The following ST8SIA6 variants were observed in gnomAD, a reference collection of about 807,000 sequenced individuals.
ST8SIA6 encodes alpha-2,8-sialyltransferase 8F.
A neutral mutation model predicts 33.6 loss-of-function variants in ST8SIA6; 39 were observed. The observed-to-expected ratio is 1.16, with a 90% CI of 0.90 to 1.52. The LOEUF (loss-of-function observed/expected upper bound fraction) is 1.52. ST8SIA6 is among the 40% of genes most tolerant of loss of function. ST8SIA6 has a pLI of 0.00. For synonymous variants in ST8SIA6, 172 were observed against 167.2 expected, an observed-to-expected ratio of 1.03 and a Z score of -0.22; for missense variants, 441 against 443.8, an observed-to-expected ratio of 0.99 and a Z score of 0.06.
At chr10:17,334,825 C>T (rs1439285265) in intron 4 of ST8SIA6, among the ~76,000 whole-genome samples, 1 of 152,086 alleles carries the variant, frequency 6.6e-6, no homozygotes, top group Non-Finnish European at 1.5e-5. Flanking sequence ...CAAGGATCAT[C>T]TGAGTTAACC....
intron 3 of ST8SIA6, among the ~76,000 whole-genome samples, chr10:17,371,474 G>A (rs1849729897): frequency 6.6e-6 from 1 of 152,006 alleles, no homozygotes; most frequent in South Asian, 2.1e-4. Context: ...GGAGACGTGA[G>A]AAGGAATCTA....
At chr10:17,426,858 T>C (rs1851954143) in intron 2 of ST8SIA6, among the ~76,000 whole-genome samples, 1 of 152,110 alleles carries the variant, frequency 6.6e-6, no homozygotes, top group Non-Finnish European at 1.5e-5. Flanking sequence ...TCCCAGCACT[T>C]TGGGAGGCAG....
Position 17,453,643 on chromosome 10 carries a change from T to C in ST8SIA6, c.116A>G (p.Glu39Gly). 1 of 1,322,418 alleles carries C rather than the reference T, an allele frequency of 7.6e-7. No homozygotes were observed. Among genetic ancestry groups the C allele is most frequent in the Non-Finnish European group, 9.7e-7 (1 of 1,028,436 alleles). The allele number at this position is 1,322,418 out of a possible 1,614,324, so 81.9% of individuals were successfully genotyped here. ...APGRARILVE[E>G]SREATHGTPA... ...GGTGCCGTGGGTGGCCTCCCTGCTT[T>C]CCTCCACCAGAATCCTGCACAGCCG... The change falls in exon 2 of 8, where the codon GAA becomes GGA. Residue 39 changes from glutamate to glycine, a missense_variant. Physicochemically the swap from Glu to Gly is moderately conservative, Grantham distance 98. Transcript: ENST00000377602.
chr10:17,316,065 GAA>G lies in ST8SIA6; in HGVS notation c.*4811_*4812del, dbSNP rs1260098552. ...TCTATATTTATTTATGTAGTAGTAAGAATATCATATGTGAGTATAAGAATATA... is the reference window on the plus strand; with the variant it reads ...TCTATATTTATTTATGTAGTAGTAAGTATCATATGTGAGTATAAGAATATA... On this transcript the variant is annotated 3_prime_UTR_variant, in exon 8 of 8. Transcript: ENST00000377602. Among the ~76,000 whole-genome samples the G allele has an allele frequency of 1.3e-5, 2 of 152,050 alleles. No homozygotes were observed. The highest frequency in any genetic ancestry group is 2.9e-5 in the Non-Finnish European group (2 of 67,880).
chr10:17,411,457 A>G (rs1394457938), intron 2 of ST8SIA6, among the ~76,000 whole-genome samples: 2 of 152,168 alleles, frequency 1.3e-5, no homozygotes, highest in Non-Finnish European at 2.9e-5. Context: ...TGCTGGGATT[A>G]CAGGCATGAG....
chr10:17,412,305 C>T (rs1851478738), intron 2 of ST8SIA6, among the ~76,000 whole-genome samples: 1 of 152,178 alleles, frequency 6.6e-6, no homozygotes, highest in South Asian at 2.1e-4. Context: ...ATCCCATTGA[C>T]TAACCCAACT....
At chr10:17,418,122 G>A (rs905212622) in intron 2 of ST8SIA6, among the ~76,000 whole-genome samples, 2 of 152,180 alleles carry the variant, frequency 1.3e-5, no homozygotes, top group Non-Finnish European at 2.9e-5. Flanking sequence ...ACAGTAGTGC[G>A]ATCAAAGCTC....
intron 3 of ST8SIA6, among the ~76,000 whole-genome samples, chr10:17,381,184 T>C (rs1209201385): frequency 2.6e-5 from 4 of 152,148 alleles, no homozygotes; most frequent in Admixed American, 1.3e-4. Flanking sequence ...CTCCCTCTAG[T>C]ACCACCAGAC....
intron 2 of ST8SIA6, among the ~76,000 whole-genome samples, chr10:17,447,337 C>T (rs909503396): frequency 2.6e-5 from 4 of 151,908 alleles, no homozygotes; most frequent in Admixed American, 1.3e-4. Context: ...ACCCAGGAGG[C>T]GGAGGTTGCA....
intron 2 of ST8SIA6, among the ~76,000 whole-genome samples, chr10:17,449,828 G>T (rs940247555): frequency 3.9e-5 from 6 of 152,178 alleles, no homozygotes; most frequent in Non-Finnish European, 8.8e-5. Context: ...GAAAGTTTTG[G>T]CTCAGAGAGG....
intron 2 of ST8SIA6, among the ~76,000 whole-genome samples, chr10:17,440,205 G>T (rs1588928205): frequency 2.3e-5 from 3 of 128,096 alleles, no homozygotes; most frequent in African/African-American, 8.3e-5. Context: ...TTTCTCAAAT[G>T]TATTTTTTTT....
chr10:17,453,418 T>G (rs963491595), intron 2 of ST8SIA6, 141 bp downstream of exon 2: 16 of 550,604 alleles, frequency 2.9e-5, no homozygotes, highest in African/African-American at 2.5e-4. Context: ...CCGCGCCCTC[T>G]TCAAACACAC....
intron 2 of ST8SIA6, among the ~76,000 whole-genome samples, chr10:17,417,510 C>T (rs549967245): frequency 1.3e-5 from 2 of 151,988 alleles, no homozygotes; most frequent in East Asian, 3.9e-4. Flanking sequence ...TCACCTCCCA[C>T]CCCCGCCATC....
chr10:17,426,980 T>A (rs1015618532), intron 2 of ST8SIA6, among the ~76,000 whole-genome samples: 1 of 152,048 alleles, frequency 6.6e-6, no homozygotes, highest in Non-Finnish European at 1.5e-5. Flanking sequence ...TGTGCACCTG[T>A]AGTCCCAGCT....
intron 2 of ST8SIA6, among the ~76,000 whole-genome samples, chr10:17,429,233 T>C (rs550874085): frequency 6.6e-6 from 1 of 152,194 alleles, no homozygotes; most frequent in East Asian, 1.9e-4. Flanking sequence ...TTTAGGGATA[T>C]AATAGATCAT....
intron 3 of ST8SIA6, among the ~76,000 whole-genome samples, chr10:17,385,591 C>T (rs1333005131): frequency 6.6e-6 from 1 of 151,884 alleles, no homozygotes; most frequent in Non-Finnish European, 1.5e-5. Context: ...TCACAAGGTG[C>T]TTGGTGGGGA....
At chr10:17,327,801 G>T (rs1159482208) in intron 5 of ST8SIA6, among the ~76,000 whole-genome samples, 2 of 151,712 alleles carry the variant, frequency 1.3e-5, no homozygotes, top group African/African-American at 4.8e-5. Flanking sequence ...TTGCTGCTTG[G>T]GAGGCTGAGG....
rs952331733 is a variant in ST8SIA6 at position 17,316,033 on chromosome 10, G to A, written c.*4845C>T. Among the ~76,000 whole-genome samples the A allele has an allele frequency of 6.6e-6, 1 of 151,814 alleles. No homozygotes were observed. Among genetic ancestry groups the A allele is most frequent in the East Asian group, 1.9e-4 (1 of 5,180 alleles). On this transcript the variant is annotated 3_prime_UTR_variant, in exon 8 of 8. Coordinates refer to ENST00000377602, the MANE Select transcript of ST8SIA6 (RefSeq NM_001004470.3). Reference sequence around the variant, plus strand: ...TTATATAAGTTACTTACAATTTTGAGTCAGCTTCTATATTTATTTATGTAG... The same window carrying A: ...TTATATAAGTTACTTACAATTTTGAATCAGCTTCTATATTTATTTATGTAG...
intron 3 of ST8SIA6, among the ~76,000 whole-genome samples, chr10:17,376,138 A>G (rs773456848): frequency 1.3e-5 from 2 of 152,180 alleles, no homozygotes; most frequent in Non-Finnish European, 2.9e-5. Flanking sequence ...TCAGTCCCAG[A>G]TGGCAGAGAA....
Sources: allele counts gnomAD v4.1 joint callset (sites outside exome capture counted in the v4.1 genomes callset), GRCh38; gene constraint gnomAD v4.1.1; transcripts MANE v1.5; gene names NCBI Gene and HGNC (gene_info 2026-07-23, HGNC 2026-07-21).